NOD2: variants seen among roughly 807,000 people sequenced by gnomAD.
NOD2 encodes nucleotide binding oligomerization domain containing 2.
NOD2 carries 86 observed loss-of-function variants against 90.9 expected under a neutral mutation model. That is an observed-to-expected ratio of 0.95 (90% confidence interval 0.79 to 1.13). NOD2 has a LOEUF of 1.13. Among genes scored for constraint, NOD2 ranks in the 50% most tolerant of loss-of-function variants. NOD2 has a pLI of 0.00. For synonymous variants in NOD2, 581 were observed against 554.6 expected, an observed-to-expected ratio of 1.05 and a Z score of -0.67; for missense variants, 1,238 against 1,283.8, an observed-to-expected ratio of 0.96 and a Z score of 0.55.
At position 50,729,970 on chromosome 16, in the gene NOD2, C is replaced by T. The variant is rs5743294; in HGVS notation, c.2969+69C>T. 1.4e-3 allele frequency: 1,629 copies of T among 1,167,138 alleles called. 5 individuals are homozygous for T. The highest frequency in any genetic ancestry group is 7.1e-4 in the Non-Finnish European group (552 of 782,060). 72.3% of individuals were successfully genotyped at this position (1,167,138 alleles called of 1,614,324 possible). On this transcript the variant is annotated intron_variant, in intron 11 of 11. Transcript: ENST00000647318. The stretch of plus-strand genomic sequence containing the variant: ...TTTTTCTATCTGTAAAATGGGGTGA[C>T]GGGAGAGAGGAATGGCAGAATTTTG...
chr16:50,696,380 G>A (rs897090279), intron 1 of NOD2: 2 of 152,248 alleles, frequency 1.3e-5, no homozygotes, highest in African/African-American at 4.8e-5. Context: ...TCACCTTGGG[G>A]AGGACAATGG....
intron 3 of NOD2, among the ~76,000 whole-genome samples, chr16:50,708,611 C>T (rs1964312437): frequency 6.6e-6 from 1 of 152,232 alleles, no homozygotes; most frequent in Non-Finnish European, 1.5e-5. Context: ...TCCCCACCTA[C>T]ACTTTCTCTT....
At chr16:50,695,665 C>T (rs766404744) in intron 1 of NOD2, among the ~76,000 whole-genome samples, 2 of 151,938 alleles carry the variant, frequency 1.3e-5, no homozygotes, top group African/African-American at 4.8e-5. Flanking sequence ...GTGTTAGGAA[C>T]CAGCCAAGAA....
chr16:50,722,820 T>C (rs1008402731), intron 8 of NOD2, 115 bp downstream of exon 8: 11 of 960,268 alleles, frequency 1.1e-5, no homozygotes, highest in Middle Eastern at 2.1e-4. Context: ...TGTTAGGCAA[T>C]GGAGTAAGGA....
intron 10 of NOD2, among the ~76,000 whole-genome samples, chr16:50,726,370 C>G (rs901187493): frequency 6.6e-6 from 1 of 152,254 alleles, no homozygotes; most frequent in African/African-American, 2.4e-5. Context: ...GACAGACAGA[C>G]AGACAGCTGC....
intron 4 of NOD2, chr16:50,713,516 T>C (rs141773998): frequency 6.6e-6 from 1 of 152,202 alleles, no homozygotes; most frequent in Admixed American, 6.5e-5. Flanking sequence ...AATATATATA[T>C]GTATTATATG....
At chr16:50,699,048 C>T (rs2150780426) in intron 1 of NOD2, among the ~76,000 whole-genome samples, 1 of 152,076 alleles carries the variant, frequency 6.6e-6, no homozygotes, top group South Asian at 2.1e-4. Flanking sequence ...CTGTCTCAGC[C>T]TCCTGAGTAG....
chr16:50,731,717 T>C, intron 11 of NOD2, 30 bp from the exon 12 acceptor site: 1 of 1,553,476 alleles, frequency 6.4e-7, no homozygotes, highest in East Asian at 2.2e-5. Flanking sequence ...TTGTCCTCAC[T>C]CAAACCTCTG....
At chr16:50,718,671 C>T (rs58342974) in intron 6 of NOD2, among the ~76,000 whole-genome samples, 2,384 of 152,254 alleles carry the variant, frequency 0.016, 60 homozygotes, top group African/African-American at 0.054. Context: ...TGTGTGCCTC[C>T]GTTTCCCCTT....
At chr16:50,713,568 G>C (rs376199348) in intron 4 of NOD2, 3 of 152,258 alleles carry the variant, frequency 2.0e-5, no homozygotes, top group East Asian at 1.9e-4. Context: ...GGTCTTGGAG[G>C]AAACAGATGA....
intron 1 of NOD2, chr16:50,696,216 G>T (rs1274862063): frequency 6.6e-6 from 1 of 152,316 alleles, no homozygotes; most frequent in Non-Finnish European, 1.5e-5. Context: ...CAAAGCATTT[G>T]CTCTTGGCCC....
At chr16:50,718,327 GAC>G (rs1964889769) in intron 6 of NOD2, among the ~76,000 whole-genome samples, 3 of 152,238 alleles carry the variant, frequency 2.0e-5, no homozygotes, top group African/African-American at 7.2e-5. Context: ...GTCAGGAGCA[GAC>G]GATCTTGATG....
At chr16:50,718,717 A>G (rs985724077) in intron 6 of NOD2, among the ~76,000 whole-genome samples, 6 of 152,188 alleles carry the variant, frequency 3.9e-5, no homozygotes, top group African/African-American at 1.2e-4. Flanking sequence ...GCTACCTCAC[A>G]GGCTGTAGTG....
In NOD2 at chr16:50,710,841, G is replaced by A. The variant is rs753862753; in HGVS notation, c.849G>A (p.Gln283=). ...GCAGTGGCAAGAGCACGCTCCTGCAGCGGCTGCACTTGCTGTGGGCTGCAG... is the reference window on the plus strand; with the variant it reads ...GCAGTGGCAAGAGCACGCTCCTGCAACGGCTGCACTTGCTGTGGGCTGCAG... ...EAGSGKSTLL[Q]RLHLLWAAGQ... Residue 283 remains glutamine, a synonymous_variant, in exon 4 of 12, where the codon CAG becomes CAA. Coordinates refer to ENST00000647318, the MANE Select transcript of NOD2 (RefSeq NM_001370466.1). 10 of 1,614,114 alleles carry A rather than the reference G, an allele frequency of 6.2e-6. No individual in the cohort carries two copies. In the South Asian group the frequency reaches 1.1e-4, roughly 18 times the overall value.
chr16:50,704,514 T>C (rs1166356547), intron 2 of NOD2, among the ~76,000 whole-genome samples: 1 of 150,622 alleles, frequency 6.6e-6, no homozygotes, highest in African/African-American at 2.5e-5. Flanking sequence ...TCAATATTGC[T>C]TCTAAGAATT....
intron 4 of NOD2, 94 bp downstream of exon 4, chr16:50,712,467 A>G: frequency 1.3e-6 from 2 of 1,537,720 alleles, no homozygotes; most frequent in South Asian, 1.1e-5. Context: ...GTCTGGGCCC[A>G]GCTTCGCCTC....
At chr16:50,727,616 T>C in intron 10 of NOD2, 1 of 300,128 alleles carries the variant, frequency 3.3e-6, no homozygotes, top group Non-Finnish European at 6.6e-6. Flanking sequence ...CTTGAAGAAA[T>C]GGTAGTCAGT....
intron 2 of NOD2, among the ~76,000 whole-genome samples, chr16:50,706,486 C>T (rs1260778786): frequency 6.6e-6 from 1 of 152,058 alleles, no homozygotes; most frequent in African/African-American, 2.4e-5. Context: ...TGCAGCTTTC[C>T]AGATAAGCAG....
intron 2 of NOD2, among the ~76,000 whole-genome samples, chr16:50,705,984 A>G (rs1339495257): frequency 2.0e-5 from 3 of 152,246 alleles, no homozygotes; most frequent in Admixed American, 2.0e-4. Flanking sequence ...GTAGAAAGTA[A>G]GTAAAGTGGG....
Sources: allele counts gnomAD v4.1 joint callset (sites outside exome capture counted in the v4.1 genomes callset), GRCh38; gene constraint gnomAD v4.1.1; transcripts MANE v1.5; gene names NCBI Gene and HGNC (gene_info 2026-07-23, HGNC 2026-07-21).